Variants in MR1 observed in about 807,000 individuals in gnomAD.
MR1 encodes the protein major histocompatibility complex, class I-related.
Under a neutral mutation model 37.8 loss-of-function variants are expected in MR1, and 44 were observed. That is an observed-to-expected ratio of 1.16 (90% CI 0.91 to 1.50). The LOEUF is 1.50. MR1 is among the 40% of genes most tolerant of loss of function. MR1 has a pLI of 0.00. For synonymous variants in MR1, 153 were observed against 155.8 expected, an observed-to-expected ratio of 0.98 and a Z score of 0.13; for missense variants, 386 against 419.1, an observed-to-expected ratio of 0.92 and a Z score of 0.69.
intron 4 of MR1, among the ~76,000 whole-genome samples, chr1:181,052,938 A>G (rs540769719): frequency 6.6e-6 from 1 of 151,934 alleles, no homozygotes; most frequent in South Asian, 2.1e-4. Flanking sequence ...ATGGTGGCGC[A>G]TGCCTGTAAT....
chr1:181,034,147 A>G, intron 1 of MR1, 73 bp downstream of exon 1: 8 of 1,466,444 alleles, frequency 5.5e-6, no homozygotes, highest in African/African-American at 1.4e-5. Context: ...TTTTCTTCCT[A>G]AAACTTGTGG....
chr1:181,055,319 G>A lies in MR1; in HGVS notation c.*54G>A. Reference sequence around the variant, plus strand: ...TCCTCTAGGAGCCATGTTATCCTCTGTCCCCCATAGAGTCAAGCCTAGTGC... The same window carrying A: ...TCCTCTAGGAGCCATGTTATCCTCTATCCCCCATAGAGTCAAGCCTAGTGC... On this transcript the variant is annotated 3_prime_UTR_variant, in exon 6 of 6. Transcript: ENST00000367580. 1 of 1,523,850 alleles carries A rather than the reference G, an allele frequency of 6.6e-7. No homozygotes were observed. The highest frequency in any genetic ancestry group is 9.1e-7 in the Non-Finnish European group (1 of 1,099,206). 94.4% of individuals were successfully genotyped at this position (1,523,850 alleles called of 1,614,324 possible).
chr1:181,055,288 T>C lies in MR1; in HGVS notation c.*23T>C. 1 of 1,603,976 alleles carries C rather than the reference T, an allele frequency of 6.2e-7. No individual in the cohort carries two copies. Among genetic ancestry groups the C allele is most frequent in the Non-Finnish European group, 8.5e-7 (1 of 1,171,022 alleles). Reference sequence around the variant, plus strand: ...TGATTGCAGATCCCTCTTTTCCAGTTCTCCTTCCTCTAGGAGCCATGTTAT... The same window carrying C: ...TGATTGCAGATCCCTCTTTTCCAGTCCTCCTTCCTCTAGGAGCCATGTTAT... On this transcript the variant is annotated 3_prime_UTR_variant, in exon 6 of 6. Transcript: ENST00000367580.
intron 1 of MR1, among the ~76,000 whole-genome samples, chr1:181,045,508 C>T (rs1657803386): frequency 6.6e-6 from 1 of 152,058 alleles, no homozygotes; most frequent in Non-Finnish European, 1.5e-5. Context: ...GTGGTCTCTG[C>T]CCTGCTCCCC....
Position 181,034,041 on chromosome 1 carries a change from A to G in MR1, c.34A>G (p.Ile12Val), listed in dbSNP as rs1657144089. Residue 12 changes from isoleucine (I) to valine (V), a missense_variant, in exon 1 of 6, where the codon ATC becomes GTC. Ile to Val is a conservative substitution (Grantham distance 29). Transcript: ENST00000367580. ...GELMAFLLPL[I>V]IVLMVKHSDS... is the part of the protein sequence containing the mutation. ...ACTGATGGCGTTCCTGTTACCTCTC[A>G]TCATTGTGTTAATGGTGAAGCACAG... The G allele has an allele frequency of 6.2e-7, 1 of 1,613,166 alleles. No individual in the cohort carries two copies. Among genetic ancestry groups the G allele is most frequent in the Non-Finnish European group, 8.5e-7 (1 of 1,179,736 alleles).
At chr1:181,034,221 G>A (rs925378796) in intron 1 of MR1, 147 bp downstream of exon 1, 6 of 633,222 alleles carry the variant, frequency 9.5e-6, no homozygotes, top group African/African-American at 7.5e-5. Flanking sequence ...AGGAGCAATG[G>A]ATTGCCTGAA....
intron 5 of MR1, among the ~76,000 whole-genome samples, chr1:181,054,324 G>T (rs560473511): frequency 1.3e-5 from 2 of 152,142 alleles, no homozygotes; most frequent in Non-Finnish European, 2.9e-5. Context: ...AGACAGATAC[G>T]ATCCCTGTTT....
chr1:181,053,938 A>G (rs908097534), intron 5 of MR1, among the ~76,000 whole-genome samples: 2 of 152,228 alleles, frequency 1.3e-5, no homozygotes, highest in African/African-American at 2.4e-5. Context: ...CTGTCCCCCT[A>G]GAAGTTGGGT....
At chr1:181,054,776 G>A (rs945992309) in intron 5 of MR1, among the ~76,000 whole-genome samples, 2 of 152,018 alleles carry the variant, frequency 1.3e-5, no homozygotes, top group African/African-American at 2.4e-5. Context: ...CAGGAGAATC[G>A]CTTGAACCTG....
At position 181,049,227 on chromosome 1, in the gene MR1, G is replaced by A. The variant is rs1658140169; in HGVS notation, c.243G>A (p.Trp81Ter). ...WMAENLAPDH[W>*]ERYTQLLRGW... is the part of the protein sequence containing the mutation. ...CAGAGAACCTCGCGCCTGATCACTG[G>A]GAGAGGTACACTCAGCTGCTGAGGG... Residue 81 changes from tryptophan to a stop codon, truncating the protein, a stop_gained, in exon 2 of 6, where the codon TGG becomes TGA. Transcript: ENST00000367580. LOFTEE classifies it high-confidence loss of function. The A allele has an allele frequency of 6.2e-7, 1 of 1,614,164 alleles. No individual in the cohort carries two copies. Among genetic ancestry groups the A allele is most frequent in the Non-Finnish European group, 8.5e-7 (1 of 1,180,022 alleles).
chr1:181,033,484 T>G (rs1250487795), upstream of MR1: 1 of 152,420 alleles, frequency 6.6e-6, no homozygotes, highest in African/African-American at 2.4e-5. Flanking sequence ...TTGAGCTTAT[T>G]GTGCTGGGTG....
intron 2 of MR1, chr1:181,049,666 A>G (rs1439433491): frequency 6.3e-6 from 3 of 473,198 alleles, no homozygotes; most frequent in Admixed American, 7.2e-5. Flanking sequence ...GCTTATGAGT[A>G]TCGACAGTAA....
At chr1:181,046,391 T>C (rs945076128) in intron 1 of MR1, among the ~76,000 whole-genome samples, 8 of 152,046 alleles carry the variant, frequency 5.3e-5, no homozygotes, top group African/African-American at 1.9e-4. Context: ...TAAACACCAA[T>C]CAGCACCCTG....
chr1:181,036,505 A>C (rs1336773506), intron 1 of MR1, among the ~76,000 whole-genome samples: 2 of 152,182 alleles, frequency 1.3e-5, no homozygotes, highest in East Asian at 1.9e-4. Flanking sequence ...GCTAGCCCTG[A>C]GTGGGAGCTA....
rs775800089 is a variant in MR1, at chr1:181,049,281, G to A, written c.297G>A (p.Leu99=). 5 of 1,613,932 alleles carry A rather than the reference G, an allele frequency of 3.1e-6. No individual in the cohort carries two copies. The Admixed American group carries it at 8.3e-5, about 27-fold the overall frequency. The change falls in exon 2 of 6, where the codon CTG becomes CTA. Residue 99 remains leucine (L), a synonymous_variant. Transcript: ENST00000367580. ...RGWQQMFKVE[L]KRLQRHYNHS... is the part of the protein sequence containing the mutation. ...GGCAGCAGATGTTCAAGGTGGAACTGAAGCGCCTACAGAGGCACTACAATC... is the reference window on the plus strand; with the variant it reads ...GGCAGCAGATGTTCAAGGTGGAACTAAAGCGCCTACAGAGGCACTACAATC...
At position 181,055,504 on chromosome 1, in the gene MR1, A is replaced by C; in HGVS notation, c.*239A>C. ...GGACTGTTTTATCAGAGTTGACTTT[A>C]AATACAGCTTGTCTCATGACACAAC... On this transcript the variant is annotated 3_prime_UTR_variant, in exon 6 of 6. Transcript: ENST00000367580. 1.9e-6 allele frequency: 1 copy of C among 534,030 alleles called. No homozygotes were observed. The highest frequency in any genetic ancestry group is 3.1e-5 in the East Asian group (1 of 32,736). The allele number at this position is 534,030 out of a possible 1,614,324, so 33.1% of individuals were successfully genotyped here.
rs1658680150 is a variant in MR1 at position 181,057,468 on chromosome 1, G to A, written c.*2203G>A. On this transcript the variant is annotated 3_prime_UTR_variant, in exon 6 of 6. Transcript: ENST00000367580. ...GGTACATATTTACATAGACACAGGT[G>A]ATAATGTATCTATGTAAATGCCTTT... 1.3e-5 allele frequency: 2 copies of A among 152,158 alleles called. No homozygotes were observed. Among genetic ancestry groups the A allele is most frequent in the Admixed American group, 1.3e-4 (2 of 15,274 alleles). The allele number at this position is 152,158 out of a possible 1,614,324, so 9.4% of individuals were successfully genotyped here. A position where few individuals can be genotyped will look rare whatever the true frequency, so the allele number is the denominator to read the frequency against.
Position 181,055,611 on chromosome 1 carries a change from G to A in MR1, c.*346G>A. 3.3e-6 allele frequency: 1 copy of A among 304,970 alleles called. No individual in the cohort carries two copies. The highest frequency in any genetic ancestry group is 6.0e-6 in the Non-Finnish European group (1 of 166,766). 18.9% of individuals were successfully genotyped at this position (304,970 alleles called of 1,614,324 possible). On this transcript the variant is annotated 3_prime_UTR_variant, in exon 6 of 6. Coordinates refer to ENST00000367580, the MANE Select transcript of MR1 (RefSeq NM_001385161.1). ...GCAGGAAGGAATCTTTTCAACCAGAGCAGGAACTGTCTTCTGCAATGCCTT... is the reference window on the plus strand; with the variant it reads ...GCAGGAAGGAATCTTTTCAACCAGAACAGGAACTGTCTTCTGCAATGCCTT...
rs1571375717 is a variant in MR1, at chr1:181,036,667, C to T, written c.67+2593C>T. Among the ~76,000 whole-genome samples, 11 of 152,328 alleles carry T rather than the reference C, an allele frequency of 7.2e-5. 1 individual carries two copies. In the South Asian group the frequency reaches 2.3e-3, roughly 32 times the overall value. Reference sequence around the variant, plus strand: ...GCAGTTGACTCCTCCTTCCTTTGTGCTCCCATGGCTCCTGTTCACAGTTCT... The same window carrying T: ...GCAGTTGACTCCTCCTTCCTTTGTGTTCCCATGGCTCCTGTTCACAGTTCT... On this transcript the variant is annotated intron_variant, in intron 1 of 5. Coordinates refer to ENST00000367580, the MANE Select transcript of MR1 (RefSeq NM_001385161.1).
Sources: allele counts gnomAD v4.1 joint callset (sites outside exome capture counted in the v4.1 genomes callset), GRCh38; gene constraint gnomAD v4.1.1; transcripts MANE v1.5; gene names NCBI Gene and HGNC (gene_info 2026-07-23, HGNC 2026-07-21).